The following SMARCA2 variants were observed in gnomAD, a reference collection of about 807,000 sequenced individuals.
The protein encoded by SMARCA2 is SWI/SNF related BAF chromatin remodeling complex subunit ATPase 2, also known as SWI/SNF-related matrix-associated actin-dependent regulator of chromatin subfamily A member 2.
A neutral mutation model predicts 199.8 loss-of-function variants in SMARCA2; 61 were observed. The ratio of observed to expected loss-of-function variants is 0.31; its 90% confidence interval spans 0.25 to 0.38. The LOEUF is 0.38. Among genes scored for constraint, SMARCA2 ranks in the 10% least tolerant of loss-of-function variants. SMARCA2 has a pLI of 1.00. For missense variants in SMARCA2, 1,344 were observed against 2,012.2 expected (o/e 0.67, Z 6.35); for synonymous variants, 935 against 732.0 (o/e 1.28, Z -4.48).
At chr9:2,124,204 A>T (rs1823588612) in intron 27 of SMARCA2, among the ~76,000 whole-genome samples, 1 of 152,238 alleles carries the variant, frequency 6.6e-6, no homozygotes. Flanking sequence ...GGCCATTGGA[A>T]GCACAGGATT....
rs1043532221 is a variant in SMARCA2 at position 2,169,819 on chromosome 9, C to G, written c.4200-600C>G. Among the ~76,000 whole-genome samples, 1 of 152,098 alleles carries G rather than the reference C, an allele frequency of 6.6e-6. No homozygotes were observed. The highest frequency in any genetic ancestry group is 1.5e-5 in the Non-Finnish European group (1 of 68,010). On this transcript the variant is annotated intron_variant, in intron 28 of 33. Coordinates refer to ENST00000349721, the MANE Select transcript of SMARCA2 (RefSeq NM_003070.5). The surrounding 1 kb of genome is among the most constrained non-coding windows in gnomAD (Gnocchi z 6.5). ...TAGAGGCTTGTAGAAGTGCCCAAGA[C>G]GCCAGGTGGTGGTTTATTTTCATTT...
rs561837486 is a variant in SMARCA2 at position 2,016,733 on chromosome 9, A to G, written c.-37+1329A>G. On this transcript the variant is annotated intron_variant, in intron 1 of 33. Coordinates refer to ENST00000349721, the MANE Select transcript of SMARCA2 (RefSeq NM_003070.5). The surrounding 1 kb of genome is among the most constrained non-coding windows in gnomAD (Gnocchi z 5.6). ...GGGTAGGAGCCTCCTCCCAACGATG[A>G]CACGCACTCCTTCCTTCTCGCTCCC... Among the ~76,000 whole-genome samples, 1 of 152,096 alleles carries G rather than the reference A, an allele frequency of 6.6e-6. No individual in the cohort carries two copies. The highest frequency in any genetic ancestry group is 1.5e-5 in the Non-Finnish European group (1 of 67,948).
At chr9:2,043,847 AGTTTCTACTTT>A (rs1483944595) in intron 4 of SMARCA2, 1 of 152,200 alleles carries the variant, frequency 6.6e-6, no homozygotes, top group Admixed American at 6.5e-5. Context: ...GGAGGGCCAG[AGTTTCTACTTT>A]GTTTCTACTT....
intron 27 of SMARCA2, chr9:2,158,796 C>T (rs1825511455): frequency 1.7e-6 from 1 of 592,280 alleles, no homozygotes; most frequent in East Asian, 3.2e-5. Flanking sequence ...TCTTACTCTA[C>T]TCTTTATGTG....
intron 23 of SMARCA2, among the ~76,000 whole-genome samples, chr9:2,106,415 C>G (rs1326831230): frequency 1.3e-5 from 2 of 152,172 alleles, no homozygotes; most frequent in Admixed American, 6.5e-5. Flanking sequence ...CTCTCAGAGT[C>G]CTTACCATTA....
intron 23 of SMARCA2, among the ~76,000 whole-genome samples, chr9:2,109,538 A>T (rs1822899387): frequency 6.6e-6 from 1 of 152,204 alleles, no homozygotes; most frequent in South Asian, 2.1e-4. Flanking sequence ...CCAAGTATTT[A>T]ACATGCTGCT....
At chr9:2,091,649 G>T (rs553245363) in intron 19 of SMARCA2, among the ~76,000 whole-genome samples, 3 of 152,192 alleles carry the variant, frequency 2.0e-5, no homozygotes, top group Non-Finnish European at 4.4e-5. Context: ...AATGGTCAGT[G>T]TATACATAGA....
chr9:2,191,075 A>G (rs555239787), intron 32 of SMARCA2, among the ~76,000 whole-genome samples, 191 bp from the exon 33 acceptor site: 2 of 152,278 alleles, frequency 1.3e-5, no homozygotes, highest in South Asian at 4.1e-4. Flanking sequence ...TTTATCTTCC[A>G]AAAGAAGACA....
intron 27 of SMARCA2, among the ~76,000 whole-genome samples, chr9:2,147,239 ACC>A (rs1824803123): frequency 1.5e-5 from 1 of 67,404 alleles, no homozygotes. Flanking sequence ...GTACTGAGTG[ACC>A]AAAAAAAAAA....
chr9:2,192,543 G>GATGCCTCTTTAATGTGTTTCTGTCCTCC lies in SMARCA2; in HGVS notation c.4738-160_4738-133dup. On this transcript the variant is annotated intron_variant, in intron 33 of 33. Coordinates refer to ENST00000349721, the MANE Select transcript of SMARCA2 (RefSeq NM_003070.5). ...AAAACTTCTCAGCTTAGAGACTGTC[G>GATGCCTCTTTAATGTGTTTCTGTCCTCC]ATGCCTCTTTAATGTGTTTCTGTCC... 4 of 680,942 alleles carry GATGCCTCTTTAATGTGTTTCTGTCCTCC rather than the reference G, an allele frequency of 5.9e-6. No homozygotes were observed. The South Asian group carries it at 6.4e-5, about 11-fold the overall frequency. The allele number at this position is 680,942 out of a possible 1,614,324, so 42.2% of individuals were successfully genotyped here.
At chr9:2,157,484 C>A (rs1825427813) in intron 27 of SMARCA2, among the ~76,000 whole-genome samples, 1 of 152,122 alleles carries the variant, frequency 6.6e-6, no homozygotes, top group East Asian at 1.9e-4. Context: ...GGAGGAGGAT[C>A]CCCAGAGGGA....
intron 14 of SMARCA2, 73 bp from the exon 15 acceptor site, chr9:2,081,759 C>G (rs1821576844): frequency 2.1e-6 from 3 of 1,405,274 alleles, no homozygotes; most frequent in Admixed American, 1.8e-5. Context: ...AAGTCACACC[C>G]TCACTTGGGT....
chr9:2,148,156 A>G (rs936241343), intron 27 of SMARCA2, among the ~76,000 whole-genome samples: 5 of 151,822 alleles, frequency 3.3e-5, no homozygotes, highest in South Asian at 2.1e-4. Context: ...CATGCTCTTT[A>G]TAGAACTAAG....
At chr9:2,100,814 T>A (rs1822476712) in intron 21 of SMARCA2, among the ~76,000 whole-genome samples, 1 of 152,194 alleles carries the variant, frequency 6.6e-6, no homozygotes, top group Admixed American at 6.5e-5. Flanking sequence ...TAGTCCAGTT[T>A]GATGCTGCTG....
In SMARCA2 at chr9:2,086,394, A is replaced by G. The variant is rs934369600; in HGVS notation, c.2527-435A>G. ...AACCTGCTAGGGCCATCTTGGAAAA[A>G]TCAGTCATTAACCTCTGCTTCAGGT... On this transcript the variant is annotated intron_variant, in intron 17 of 33. Transcript: ENST00000349721. This position sits in a 1 kb window ranked among gnomAD's most constrained non-coding sequence, Gnocchi z 4.3. Among the ~76,000 whole-genome samples, 1 of 152,222 alleles carries G rather than the reference A, an allele frequency of 6.6e-6. No homozygotes were observed. The highest frequency in any genetic ancestry group is 1.5e-5 in the Non-Finnish European group (1 of 68,042).
intron 19 of SMARCA2, among the ~76,000 whole-genome samples, chr9:2,090,047 G>C (rs772657693): frequency 1.8e-4 from 27 of 152,124 alleles, no homozygotes; most frequent in Admixed American, 7.2e-4. Flanking sequence ...CAAGTTGAAA[G>C]TATGTTATGT....
At position 2,170,119 on chromosome 9, in the gene SMARCA2, C is replaced by T. The variant is rs1460924107; in HGVS notation, c.4200-300C>T. 6.6e-6 allele frequency among the ~76,000 whole-genome samples: 1 copy of T among 152,176 alleles called. No homozygotes were observed. Among genetic ancestry groups the T allele is most frequent in the Non-Finnish European group, 1.5e-5 (1 of 68,020 alleles). ...ACCTCTAGCCAGTGGCTGCCTGTCT[C>T]CCACCTTCTGGAACAGTGAATGGAA... On this transcript the variant is annotated intron_variant, in intron 28 of 33. Transcript: ENST00000349721. The surrounding 1 kb of genome is among the most constrained non-coding windows in gnomAD (Gnocchi z 4.7).
chr9:2,029,209 A>T lies in SMARCA2; in HGVS notation c.187A>T (p.Thr63Ser), dbSNP rs778927818. The T allele has an allele frequency of 6.2e-6, 10 of 1,612,970 alleles. No individual in the cohort carries two copies. The Admixed American group carries it at 1.7e-4, about 27-fold the overall frequency. ...CCATCCTATGCCGACGATGGGGTCC[A>T]CAGACTTCCCACAGGAAGGCATGCA... ...VSHPMPTMGS[T>S]DFPQEGMHQM... Residue 63 changes from threonine (T) to serine (S), a missense_variant, in exon 2 of 34, where the codon ACA becomes TCA. Physicochemically the swap from Thr to Ser is moderately conservative, Grantham distance 58 (BLOSUM62 1). Around this residue, in one of 18 missense-constraint regions of SMARCA2, gnomAD observed 275 missense variants for 247.5 expected, o/e 1.11. Coordinates refer to ENST00000349721, the MANE Select transcript of SMARCA2 (RefSeq NM_003070.5).
Position 2,191,260 on chromosome 9 carries a change from T to A in SMARCA2, c.4595-6T>A. On this transcript the variant is annotated splice_polypyrimidine_tract_variant and splice_region_variant and intron_variant, in intron 32 of 33. Coordinates refer to ENST00000349721, the MANE Select transcript of SMARCA2 (RefSeq NM_003070.5). ...CTGGTGTCTATTTCATTTGCTTTGGTTTTAGCAAAATCAGTCAAGGTGAAA... is the reference window on the plus strand; with the variant it reads ...CTGGTGTCTATTTCATTTGCTTTGGATTTAGCAAAATCAGTCAAGGTGAAA... 1 of 1,613,784 alleles carries A rather than the reference T, an allele frequency of 6.2e-7. No individual in the cohort carries two copies. Among genetic ancestry groups the A allele is most frequent in the Non-Finnish European group, 8.5e-7 (1 of 1,179,822 alleles).
Sources: gnomAD v4.1 joint callset for allele counts (sites outside exome capture counted in the v4.1 genomes callset) on GRCh38, gnomAD v4.1.1 for gene constraint, gnomAD v4.1.1 regional missense constraint, Gnocchi (gnomAD v3.1) non-coding constraint, MANE v1.5 for transcripts, NCBI Gene and HGNC (gene_info 2026-07-23, HGNC 2026-07-21) for gene names.